NALF1: variants seen among roughly 807,000 people sequenced by gnomAD.
The protein encoded by NALF1 is NALCN channel auxiliary factor 1.
In NALF1, 3 loss-of-function variants were observed where a neutral mutation model predicts 48.4. The observed-to-expected ratio is 0.06, with a 90% CI of 0.03 to 0.16. The LOEUF is 0.16. Among genes scored for constraint, NALF1 ranks in the 10% least tolerant of loss-of-function variants. NALF1 has a pLI of 1.00. For synonymous variants in NALF1, 262 were observed against 245.7 expected (o/e 1.07, Z -0.62); for missense variants, 526 against 571.5 (o/e 0.92, Z 0.81).
chr13:107,852,956 G>C (rs1489649973), intron 1 of NALF1, among the ~76,000 whole-genome samples: 1 of 152,074 alleles, frequency 6.6e-6, no homozygotes, highest in Non-Finnish European at 1.5e-5. Context: ...CATCCTTTCA[G>C]CCACTTCATC....
intron 1 of NALF1, among the ~76,000 whole-genome samples, chr13:107,336,374 A>G (rs559936813): frequency 4.9e-5 from 6 of 121,408 alleles, no homozygotes; most frequent in African/African-American, 1.2e-4. Flanking sequence ...TGATGATAAT[A>G]ATAATAATAA....
chr13:107,299,002 T>C (rs991975681), intron 1 of NALF1, among the ~76,000 whole-genome samples: 4 of 152,278 alleles, frequency 2.6e-5, no homozygotes, highest in Non-Finnish European at 4.4e-5. Flanking sequence ...CTCTATTTAG[T>C]TTTTATGTAT....
intron 1 of NALF1, among the ~76,000 whole-genome samples, chr13:107,495,187 T>G (rs947088940): frequency 1.2e-4 from 18 of 152,218 alleles, no homozygotes; most frequent in African/African-American, 4.1e-4. Flanking sequence ...AACAGATGTG[T>G]TGGCCTATAT....
intron 1 of NALF1, among the ~76,000 whole-genome samples, chr13:107,547,190 CAGA>C (rs1485995467): frequency 6.6e-6 from 1 of 152,176 alleles, no homozygotes; most frequent in Non-Finnish European, 1.5e-5. Context: ...TCAACCACAT[CAGA>C]AGAGTGCCTC....
At chr13:107,199,833 C>T (rs1460038572) in intron 2 of NALF1, among the ~76,000 whole-genome samples, 3 of 152,170 alleles carry the variant, frequency 2.0e-5, no homozygotes, top group Non-Finnish European at 4.4e-5. Context: ...TGCATCCAAC[C>T]ATCAGCCCCC....
At chr13:107,586,013 G>T (rs1328464028) in intron 1 of NALF1, among the ~76,000 whole-genome samples, 1 of 152,110 alleles carries the variant, frequency 6.6e-6, no homozygotes, top group Non-Finnish European at 1.5e-5. Flanking sequence ...TTGAGATCTG[G>T]AAGAATGCCT....
intron 1 of NALF1, among the ~76,000 whole-genome samples, chr13:107,640,709 G>A (rs1477334929): frequency 1.3e-5 from 2 of 151,984 alleles, no homozygotes; most frequent in Non-Finnish European, 2.9e-5. Context: ...TTTTTTCTAA[G>A]AATAATAATA....
chr13:107,643,545 G>A (rs1880221670), intron 1 of NALF1, among the ~76,000 whole-genome samples: 2 of 150,584 alleles, frequency 1.3e-5, no homozygotes, highest in East Asian at 2.0e-4. Flanking sequence ...TATTTGGTGG[G>A]GGGGGGGTGA....
chr13:107,779,116 T>C (rs970294297), intron 1 of NALF1, among the ~76,000 whole-genome samples: 4 of 152,250 alleles, frequency 2.6e-5, no homozygotes. Context: ...GAAATATTTT[T>C]GCAGCTTTAT....
intron 1 of NALF1, among the ~76,000 whole-genome samples, chr13:107,370,833 C>G (rs1336022084): frequency 6.6e-6 from 1 of 152,174 alleles, no homozygotes; most frequent in Non-Finnish European, 1.5e-5. Context: ...ACACGTCCTT[C>G]TTCACATGGC....
At chr13:107,823,390 CT>C (rs1445527556) in intron 1 of NALF1, among the ~76,000 whole-genome samples, 4 of 152,196 alleles carry the variant, frequency 2.6e-5, no homozygotes, top group African/African-American at 9.7e-5. Flanking sequence ...CCCTCTGCCC[CT>C]GGCTGACATT....
chr13:107,639,977 C>T (rs547252254), intron 1 of NALF1, among the ~76,000 whole-genome samples: 6 of 151,964 alleles, frequency 3.9e-5, no homozygotes, highest in Admixed American at 3.3e-4. Flanking sequence ...GTTTTGAATT[C>T]GTCTTTATAA....
At position 107,651,470 on chromosome 13, in the gene NALF1, G is replaced by A. The variant is rs570550423; in HGVS notation, c.915+214212C>T. 1.2e-4 allele frequency among the ~76,000 whole-genome samples: 19 copies of A among 152,220 alleles called. 2 individuals carry two copies. In the South Asian group the frequency reaches 2.7e-3, roughly 22 times the overall value. ...TGAGTTGCCTCTTTTTGTGAGGGTT[G>A]GGAGTTCTCTGAAATAAGCAAAACT... On this transcript the variant is annotated intron_variant, in intron 1 of 2. Coordinates refer to ENST00000375915, the MANE Select transcript of NALF1 (RefSeq NM_001080396.3).
At chr13:107,774,105 T>A (rs1310244625) in intron 1 of NALF1, among the ~76,000 whole-genome samples, 2 of 152,210 alleles carry the variant, frequency 1.3e-5, no homozygotes, top group South Asian at 4.1e-4. Flanking sequence ...TTTATGAAGG[T>A]GAGAAGAACA....
At chr13:107,614,765 T>G (rs1232471798) in intron 1 of NALF1, among the ~76,000 whole-genome samples, 1 of 143,060 alleles carries the variant, frequency 7.0e-6, no homozygotes, top group African/African-American at 2.6e-5. Flanking sequence ...TCTTTTTTTC[T>G]TTTTTTTTTT....
chr13:107,608,695 T>C (rs1350049310), intron 1 of NALF1, among the ~76,000 whole-genome samples: 1 of 151,990 alleles, frequency 6.6e-6, no homozygotes, highest in Non-Finnish European at 1.5e-5. Flanking sequence ...ACTTGAAAAT[T>C]GAAGAGAAAA....
At chr13:107,668,595 T>A (rs1227639557) in intron 1 of NALF1, among the ~76,000 whole-genome samples, 1 of 152,078 alleles carries the variant, frequency 6.6e-6, no homozygotes, top group African/African-American at 2.4e-5. Flanking sequence ...TGAATAATTA[T>A]ATTTCTTAGG....
intron 1 of NALF1, among the ~76,000 whole-genome samples, chr13:107,782,734 G>C (rs1187773969): frequency 2.0e-5 from 3 of 149,922 alleles, no homozygotes; most frequent in Non-Finnish European, 4.5e-5. Context: ...GAGCGCCTCT[G>C]CCCGGTCGCG....
intron 1 of NALF1, among the ~76,000 whole-genome samples, chr13:107,212,879 G>A (rs1879790723): frequency 6.6e-6 from 1 of 152,240 alleles, no homozygotes; most frequent in African/African-American, 2.4e-5. Context: ...GTCTAGAGTT[G>A]CCTGTTTTTC....
Sources: allele counts gnomAD v4.1 joint callset (sites outside exome capture counted in the v4.1 genomes callset), GRCh38; gene constraint gnomAD v4.1.1; transcripts MANE v1.5; gene names NCBI Gene and HGNC (gene_info 2026-07-23, HGNC 2026-07-21).